CAMTA1: variants seen among roughly 807,000 people sequenced by gnomAD.
CAMTA1 encodes the protein calmodulin-binding transcription activator 1.
Under a neutral mutation model 170.9 loss-of-function variants are expected in CAMTA1, and 27 were observed. The observed-to-expected ratio is 0.16, with a 90% CI of 0.12 to 0.22. The LOEUF is 0.22. Ranked by LOEUF, CAMTA1 falls within the 10% of genes least tolerant of loss-of-function variation. The pLI is 1.00. For missense variants in CAMTA1, 1,619 were observed against 2,217.2 expected (o/e 0.73, Z 5.42); for synonymous variants, 833 against 891.5 (o/e 0.93, Z 1.17).
chr1:6,820,240 A>G lies in CAMTA1; in HGVS notation c.105A>G (p.Pro35=), dbSNP rs777137059. 2 of 1,614,062 alleles carry G rather than the reference A, an allele frequency of 1.2e-6. No individual in the cohort carries two copies. Among genetic ancestry groups the G allele is most frequent in the African/African-American group, 2.7e-5 (2 of 75,060 alleles). Residue 35 remains proline, a synonymous_variant, in exon 2 of 23, where the codon CCA becomes CCG. Transcript: ENST00000303635. ...CCTACTGTGTTCTCAACACCGTGCC[A>G]CCTATAGAAGGTAGGATTTGAAAAA... is the stretch of plus-strand genomic sequence containing the variant. The part of the protein sequence containing the change: ...TSTYCVLNTV[P]PIEDDHGNSN...
chr1:7,088,218 T>G (rs752894852), intron 3 of CAMTA1, among the ~76,000 whole-genome samples: 5 of 152,214 alleles, frequency 3.3e-5, no homozygotes, highest in Non-Finnish European at 7.3e-5. Flanking sequence ...AGAGGGGCTC[T>G]GTGTGGGAGG....
At chr1:7,397,611 G>A (rs533946060) in intron 5 of CAMTA1, among the ~76,000 whole-genome samples, 1 of 151,898 alleles carries the variant, frequency 6.6e-6, no homozygotes, top group East Asian at 1.9e-4. Context: ...TTTTATTTGA[G>A]ATCTTTCTAC....
rs545669658 is a variant in CAMTA1, at chr1:7,635,964, TA to T, written c.511-4435del. Among the ~76,000 whole-genome samples the T allele has an allele frequency of 1.9e-3, 292 of 152,320 alleles. 2 individuals carry two copies. The highest frequency in any genetic ancestry group is 6.7e-3 in the African/African-American group (277 of 41,572). On this transcript the variant is annotated intron_variant, in intron 6 of 22. Transcript: ENST00000303635. The surrounding 1 kb of genome is among the most constrained non-coding windows in gnomAD (Gnocchi z 4.4). ...CAGCCCCACGCCAGGAAATCGTTAC[TA>T]CTCAACTCTGGGCATTCCAGGTGCA...
chr1:7,566,677 G>GGCCTGA (rs1222754177), intron 6 of CAMTA1, among the ~76,000 whole-genome samples: 1 of 152,136 alleles, frequency 6.6e-6, no homozygotes, highest in Non-Finnish European at 1.5e-5. Flanking sequence ...GGCACCCAGA[G>GGCCTGA]GCCTGAGTCC....
chr1:7,180,463 A>G (rs952977694), intron 4 of CAMTA1, among the ~76,000 whole-genome samples: 6 of 151,776 alleles, frequency 4.0e-5, no homozygotes, highest in East Asian at 3.8e-4. Flanking sequence ...CAATTTCCAT[A>G]AAAGATCTAG....
chr1:7,151,126 C>T (rs560933310), intron 4 of CAMTA1, among the ~76,000 whole-genome samples: 23 of 152,350 alleles, frequency 1.5e-4, no homozygotes, highest in African/African-American at 5.5e-4. Context: ...AAGTAGCACA[C>T]GGTGCTTGCT....
intron 5 of CAMTA1, among the ~76,000 whole-genome samples, chr1:7,390,318 C>A (rs530660948): frequency 3.3e-5 from 5 of 152,352 alleles, no homozygotes; most frequent in African/African-American, 1.2e-4. Flanking sequence ...AGCTCAGGGA[C>A]CTGCTGTCCT....
rs182905509 is a variant in CAMTA1, at chr1:7,277,236, T to C, written c.438+27610T>C. On this transcript the variant is annotated intron_variant, in intron 5 of 22. Coordinates refer to ENST00000303635, the MANE Select transcript of CAMTA1 (RefSeq NM_015215.4). ...CTATTTTTAAAATTTACATATAGCA[T>C]AAGAATGACCAAGAATAGCTAAAAG... Among the ~76,000 whole-genome samples, 6 of 152,274 alleles carry C rather than the reference T, an allele frequency of 3.9e-5. No individual in the cohort carries two copies. The East Asian group carries it at 7.7e-4, about 20-fold the overall frequency.
intron 1 of CAMTA1, among the ~76,000 whole-genome samples, chr1:6,790,942 T>C (rs1179480245): frequency 6.6e-6 from 1 of 152,208 alleles, no homozygotes; most frequent in Non-Finnish European, 1.5e-5. Flanking sequence ...TGCTACTATT[T>C]CACTCTTGTG....
intron 5 of CAMTA1, among the ~76,000 whole-genome samples, chr1:7,353,570 A>G (rs978155981): frequency 1.3e-5 from 2 of 151,548 alleles, no homozygotes; most frequent in Non-Finnish European, 1.5e-5. Context: ...GATTACAGGC[A>G]CACACCACCA....
At chr1:7,380,498 C>T (rs1221674452) in intron 5 of CAMTA1, among the ~76,000 whole-genome samples, 1 of 152,198 alleles carries the variant, frequency 6.6e-6, no homozygotes, top group East Asian at 1.9e-4. Flanking sequence ...TGCTTGAACC[C>T]AGGACATGGC....
intron 6 of CAMTA1, among the ~76,000 whole-genome samples, chr1:7,616,891 A>G (rs1027676524): frequency 6.6e-6 from 1 of 152,240 alleles, no homozygotes; most frequent in African/African-American, 2.4e-5. Context: ...CCAAGGGCTC[A>G]TTTTTGTGCA....
Position 7,004,942 on chromosome 1 carries a change from T to G in CAMTA1, c.235-86362T>G, listed in dbSNP as rs1051540521. On this transcript the variant is annotated intron_variant, in intron 3 of 22. Transcript: ENST00000303635. ...GCCATCACACCCGGCTAATTTTTTT[T>G]TGTGTTTTTAGTAGAGACGGGGTTT... Among the ~76,000 whole-genome samples the G allele has an allele frequency of 2.6e-4, 39 of 152,168 alleles. 1 individual carries two copies. The highest frequency in any genetic ancestry group is 5.8e-4 in the African/African-American group (24 of 41,440).
chr1:6,954,361 G>A (rs1689069116), intron 3 of CAMTA1, among the ~76,000 whole-genome samples: 1 of 152,180 alleles, frequency 6.6e-6, no homozygotes, highest in Non-Finnish European at 1.5e-5. Context: ...CCTATTGCTC[G>A]AGCTGTTGGG....
At chr1:7,348,770 A>G (rs1367567867) in intron 5 of CAMTA1, among the ~76,000 whole-genome samples, 1 of 152,218 alleles carries the variant, frequency 6.6e-6, no homozygotes, top group African/African-American at 2.4e-5. Flanking sequence ...AATTTCAGGA[A>G]TGCCACAGTC....
At chr1:6,824,986 G>GGTC in intron 2 of CAMTA1, 106 bp from the exon 3 acceptor site, 1 of 597,298 alleles carries the variant, frequency 1.7e-6, no homozygotes. Flanking sequence ...TGATGCTCTT[G>GGTC]GTCTCACATT....
chr1:6,795,347 C>A (rs1197823620), intron 1 of CAMTA1, among the ~76,000 whole-genome samples: 1 of 146,856 alleles, frequency 6.8e-6, no homozygotes, highest in Non-Finnish European at 1.5e-5. Context: ...GTCACCATGG[C>A]TGCTTAGGTT....
intron 3 of CAMTA1, among the ~76,000 whole-genome samples, chr1:6,846,265 A>G (rs1230105440): frequency 6.6e-6 from 1 of 152,252 alleles, no homozygotes; most frequent in East Asian, 1.9e-4. Flanking sequence ...TAGGTTTTAC[A>G]GATTCATTAA....
At chr1:7,640,110 C>T (rs2095749112) in intron 6 of CAMTA1, among the ~76,000 whole-genome samples, 1 of 152,124 alleles carries the variant, frequency 6.6e-6, no homozygotes, top group Non-Finnish European at 1.5e-5. Flanking sequence ...GTGATCTTGC[C>T]CCCTAGGGGA....
Sources: gnomAD v4.1 joint callset for allele counts (sites outside exome capture counted in the v4.1 genomes callset) on GRCh38, gnomAD v4.1.1 for gene constraint, Gnocchi (gnomAD v3.1) non-coding constraint, MANE v1.5 for transcripts, NCBI Gene and HGNC (gene_info 2026-07-23, HGNC 2026-07-21) for gene names.